Variants in OTOA observed in about 807,000 individuals in gnomAD.
OTOA encodes the protein cancer/testis antigen 108.
A neutral mutation model predicts 110.8 loss-of-function variants in OTOA; 70 were observed. The ratio of observed to expected loss-of-function variants is 0.63; its 90% CI spans 0.52 to 0.77. OTOA has a LOEUF of 0.77. Ranked by LOEUF, OTOA falls within the 30% of genes least tolerant of loss-of-function variation. The pLI is 0.00. For synonymous variants in OTOA, 373 were observed against 431.5 expected (o/e 0.86, Z 1.68); for missense variants, 917 against 1,075.8 (o/e 0.85, Z 2.06).
intron 22 of OTOA, among the ~76,000 whole-genome samples, chr16:21,737,868 G>A (rs2141736591): frequency 6.6e-6 from 1 of 152,430 alleles, no homozygotes; most frequent in East Asian, 1.9e-4. Context: ...AGTGCAGACT[G>A]GGGCCAGGCA....
At chr16:21,664,990 A>G (rs189172502) in intron 1 of OTOA, among the ~76,000 whole-genome samples, 28 of 151,248 alleles carry the variant, frequency 1.9e-4, no homozygotes, top group African/African-American at 5.6e-4. Flanking sequence ...ATAAATAAAT[A>G]AATAAATAAA....
chr16:21,755,482 G>A (rs1899951230), intron 27 of OTOA, among the ~76,000 whole-genome samples: 1 of 108,314 alleles, frequency 9.2e-6, no homozygotes, highest in South Asian at 3.0e-4. Context: ...GTGTGTGTGT[G>A]TGTGTGTGTA....
Position 21,709,904 on chromosome 16 carries a change from T to C in OTOA, c.1121T>C (p.Leu374Pro). 1.9e-6 allele frequency: 3 copies of C among 1,613,814 alleles called. No homozygotes were observed. Among genetic ancestry groups the C allele is most frequent in the Non-Finnish European group, 2.5e-6 (3 of 1,179,712 alleles). The change falls in exon 13 of 29, where the codon CTG becomes CCG. Residue 374 changes from leucine to proline, a missense_variant. Physicochemically the swap from Leu to Pro is moderately conservative, Grantham distance 98. Coordinates refer to ENST00000646100, the MANE Select transcript of OTOA (RefSeq NM_144672.4). ...TCCTTCCAGCTCAAAGCAGAACTCC[T>C]GGACATTGCCATGGAGAACCAGACC... ...AGVQKLKAEL[L>P]DIAMENQTLN...
intron 21 of OTOA, 86 bp from the exon 22 acceptor site, chr16:21,736,175 G>A: frequency 8.1e-7 from 1 of 1,238,754 alleles, no homozygotes; most frequent in Non-Finnish European, 1.2e-6. Context: ...AAGGCAGTAA[G>A]TAGTGTGACA....
intron 28 of OTOA, among the ~76,000 whole-genome samples, chr16:21,757,665 C>T (rs1184691027): frequency 2.0e-5 from 3 of 151,878 alleles, no homozygotes; most frequent in Non-Finnish European, 2.9e-5. Context: ...GTCGCCCAGG[C>T]TGGAGTGCAG....
At chr16:21,684,649 T>A (rs1966967618) in intron 6 of OTOA, 2 of 978,124 alleles carry the variant, frequency 2.0e-6, no homozygotes, top group African/African-American at 1.6e-5. Flanking sequence ...TAAAAGGGGA[T>A]GTGCGCCCGG....
At chr16:21,699,109 C>G (rs1339000447) in intron 10 of OTOA, among the ~76,000 whole-genome samples, 1 of 152,100 alleles carries the variant, frequency 6.6e-6, no homozygotes, top group Non-Finnish European at 1.5e-5. Context: ...TGCCACCATG[C>G]CTGGCTAATT....
At chr16:21,758,775 C>T (rs1369215396) in intron 28 of OTOA, among the ~76,000 whole-genome samples, 16 of 151,102 alleles carry the variant, frequency 1.1e-4, no homozygotes, top group African/African-American at 3.6e-4. Flanking sequence ...CCGAGGTGGG[C>T]GGATCACCTG....
At chr16:21,713,085 T>C (rs1306919835) in intron 13 of OTOA, among the ~76,000 whole-genome samples, 1 of 151,978 alleles carries the variant, frequency 6.6e-6, no homozygotes, top group Non-Finnish European at 1.5e-5. Flanking sequence ...CACCTCAGCC[T>C]CCTGAGTAGC....
At chr16:21,758,497 G>A (rs1900065280) in intron 28 of OTOA, among the ~76,000 whole-genome samples, 1 of 148,734 alleles carries the variant, frequency 6.7e-6, no homozygotes, top group South Asian at 2.2e-4. Flanking sequence ...GTAGGTACCG[G>A]CATGGGCAAG....
At chr16:21,670,090 C>T (rs1966847072) in intron 1 of OTOA, among the ~76,000 whole-genome samples, 1 of 152,062 alleles carries the variant, frequency 6.6e-6, no homozygotes, top group South Asian at 2.1e-4. Flanking sequence ...TGTGCCACTG[C>T]ACTCTAGCCT....
intron 13 of OTOA, among the ~76,000 whole-genome samples, chr16:21,712,957 G>GAT (rs1328082516): frequency 2.6e-5 from 4 of 152,050 alleles, no homozygotes; most frequent in Non-Finnish European, 5.9e-5. Flanking sequence ...GAACTGGGGG[G>GAT]TTTCTTCTTC....
intron 9 of OTOA, among the ~76,000 whole-genome samples, chr16:21,694,941 TTTA>T (rs1235590047): frequency 9.8e-5 from 15 of 152,304 alleles, no homozygotes; most frequent in Non-Finnish European, 7.4e-5. Flanking sequence ...CTTCTCTGTC[TTTA>T]TTGCCAGAGT....
chr16:21,675,318 T>C (rs1332139969), intron 1 of OTOA, among the ~76,000 whole-genome samples: 4 of 130,136 alleles, frequency 3.1e-5, no homozygotes, highest in African/African-American at 1.2e-4. Context: ...TTTTTTTTTT[T>C]TTTTTTTTTT....
chr16:21,671,596 A>G (rs575643261), intron 1 of OTOA, among the ~76,000 whole-genome samples: 17 of 145,746 alleles, frequency 1.2e-4, no homozygotes, highest in South Asian at 2.1e-4. Context: ...CAAAAAAAAA[A>G]AAAAGAAAAA....
intron 11 of OTOA, among the ~76,000 whole-genome samples, chr16:21,701,234 C>A (rs1424072153): frequency 2.0e-5 from 3 of 152,174 alleles, no homozygotes; most frequent in Non-Finnish European, 4.4e-5. Context: ...AGGATAAATG[C>A]TTTCTGAGCA....
intron 1 of OTOA, among the ~76,000 whole-genome samples, chr16:21,666,243 A>ATTTTTTTTT (rs61085785): frequency 2.6e-4 from 34 of 129,034 alleles, no homozygotes; most frequent in African/African-American, 9.1e-4. Flanking sequence ...ATGAAATGGC[A>ATTTTTTTTT]TTTTTTTTTT....
intron 12 of OTOA, among the ~76,000 whole-genome samples, chr16:21,707,246 A>G (rs778087101): frequency 6.6e-6 from 1 of 151,896 alleles, no homozygotes; most frequent in Non-Finnish European, 1.5e-5. Context: ...AATGTATTTT[A>G]AGGCCCAGGG....
chr16:21,684,628 C>T (rs1394312987), intron 6 of OTOA: 72 of 1,227,678 alleles, frequency 5.9e-5, no homozygotes, highest in Non-Finnish European at 8.2e-5. Flanking sequence ...CTTGGCTTGC[C>T]AATTATTGCC....
Sources: allele counts gnomAD v4.1 joint callset (sites outside exome capture counted in the v4.1 genomes callset), GRCh38; gene constraint gnomAD v4.1.1; transcripts MANE v1.5; gene names NCBI Gene and HGNC (gene_info 2026-07-23, HGNC 2026-07-21).